The following COG5 variants were observed in gnomAD, a reference collection of about 807,000 sequenced individuals.
COG5 encodes component of oligomeric golgi complex 5, also known as conserved oligomeric Golgi complex subunit 5.
A neutral mutation model predicts 110.4 loss-of-function variants in COG5; 86 were observed. The ratio of observed to expected loss-of-function variants is 0.78; its 90% CI spans 0.65 to 0.93. COG5 has a LOEUF of 0.93. COG5 is among the 40% of genes least tolerant of loss of function. The pLI, the probability that COG5 is intolerant of heterozygous loss-of-function variation, is 0.00. For missense variants in COG5, 1,077 were observed against 987.0 expected, an observed-to-expected ratio of 1.09 and a Z score of -1.22; for synonymous variants, 360 against 334.6, an observed-to-expected ratio of 1.08 and a Z score of -0.83.
At chr7:107,460,041 C>A (rs1389619911) in intron 6 of COG5, among the ~76,000 whole-genome samples, 1 of 152,008 alleles carries the variant, frequency 6.6e-6, no homozygotes, top group Admixed American at 6.6e-5. Flanking sequence ...GTTCTCTGAC[C>A]ATAATGAAAT....
intron 11 of COG5, among the ~76,000 whole-genome samples, chr7:107,320,184 A>G (rs769293444): frequency 2.0e-5 from 3 of 152,138 alleles, no homozygotes; most frequent in East Asian, 1.9e-4. Flanking sequence ...GACTCTGTGA[A>G]GTTTTGTTAT....
At chr7:107,316,205 T>C (rs1808724410) in intron 11 of COG5, among the ~76,000 whole-genome samples, 1 of 152,180 alleles carries the variant, frequency 6.6e-6, no homozygotes. Flanking sequence ...TATTTTTTAT[T>C]ACATGGGAGC....
chr7:107,460,081 G>GA (rs1563047901), intron 6 of COG5, among the ~76,000 whole-genome samples: 2 of 151,968 alleles, frequency 1.3e-5, no homozygotes, highest in Non-Finnish European at 2.9e-5. Context: ...AAAAAATTTT[G>GA]AAAAATCACC....
intron 7 of COG5, among the ~76,000 whole-genome samples, chr7:107,386,606 C>T (rs1790221642): frequency 2.0e-5 from 3 of 152,162 alleles, no homozygotes; most frequent in Non-Finnish European, 4.4e-5. Flanking sequence ...CAACAGTTAT[C>T]AGCTCAACAG....
Position 107,248,480 on chromosome 7 carries a change from T to G in COG5, c.1769A>C (p.Glu590Ala). ...AGTGAGTAAGGGTTGCACAGCATTT[T>G]CCATAAGAGCATGAATAGCCTAAAA... is the stretch of plus-strand genomic sequence containing the variant. ...SALKAIHALM[E>A]NAVQPLLTSV... Residue 590 changes from glutamate to alanine, a missense_variant, in exon 17 of 22, where the codon GAA becomes GCA. Glu to Ala is a moderately radical substitution (Grantham distance 107, BLOSUM62 -1). Coordinates refer to ENST00000297135, the MANE Select transcript of COG5 (RefSeq NM_006348.5). 1 of 1,607,840 alleles carries G rather than the reference T, an allele frequency of 6.2e-7. No individual in the cohort carries two copies. The highest frequency in any genetic ancestry group is 8.5e-7 in the Non-Finnish European group (1 of 1,176,472).
At chr7:107,371,223 T>C (rs564010246) in intron 8 of COG5, among the ~76,000 whole-genome samples, 4 of 152,306 alleles carry the variant, frequency 2.6e-5, no homozygotes, top group South Asian at 4.1e-4. Flanking sequence ...GATTCTTTCA[T>C]CTCTTTTTAT....
At chr7:107,478,602 G>T (rs12534124) in intron 6 of COG5, among the ~76,000 whole-genome samples, 1 of 151,774 alleles carries the variant, frequency 6.6e-6, no homozygotes, top group Non-Finnish European at 1.5e-5. Flanking sequence ...ATAGCCTACT[G>T]TGCCTAATAT....
chr7:107,352,520 A>G (rs1417594135), intron 10 of COG5, among the ~76,000 whole-genome samples: 1 of 144,256 alleles, frequency 6.9e-6, no homozygotes, highest in Non-Finnish European at 1.5e-5. Context: ...AAAAACAAAA[A>G]AAAAACCAGA....
chr7:107,500,704 G>C (rs186198957), intron 6 of COG5, among the ~76,000 whole-genome samples: 36 of 152,206 alleles, frequency 2.4e-4, no homozygotes, highest in Admixed American at 1.6e-3. Flanking sequence ...CATGTCATCA[G>C]TATGTATCTT....
At chr7:107,463,605 G>A (rs1446332282) in intron 6 of COG5, among the ~76,000 whole-genome samples, 1 of 152,118 alleles carries the variant, frequency 6.6e-6, no homozygotes, top group Non-Finnish European at 1.5e-5. Flanking sequence ...AGGCCCAGAG[G>A]CTCCATCTAC....
chr7:107,504,796 A>C (rs917233198), intron 6 of COG5, among the ~76,000 whole-genome samples: 1 of 152,148 alleles, frequency 6.6e-6, no homozygotes, highest in African/African-American at 2.4e-5. Flanking sequence ...TAGGGGTGTT[A>C]ATAGTAGTCT....
intron 17 of COG5, among the ~76,000 whole-genome samples, chr7:107,241,954 G>C (rs369341227): frequency 1.3e-5 from 2 of 151,844 alleles, no homozygotes; most frequent in Non-Finnish European, 2.9e-5. Flanking sequence ...GCTAATTTTT[G>C]TATTTTTTGT....
intron 18 of COG5, among the ~76,000 whole-genome samples, chr7:107,232,976 T>C (rs369206457): frequency 1.2e-3 from 182 of 152,336 alleles, no homozygotes; most frequent in East Asian, 6.6e-3. Context: ...TGCCCTGACA[T>C]TGTTCAGGAG....
chr7:107,210,089 G>A, intron 21 of COG5: 1 of 1,043,678 alleles, frequency 9.6e-7, no homozygotes. Flanking sequence ...CCAAGTGGCT[G>A]CTGGGTTGTT....
chr7:107,329,717 C>A (rs867096845), intron 10 of COG5, among the ~76,000 whole-genome samples: 3 of 151,690 alleles, frequency 2.0e-5, no homozygotes, highest in Admixed American at 6.6e-5. Context: ...CAGCGAGACC[C>A]CCCCCGTTTC....
chr7:107,275,670 C>A (rs951662326), intron 14 of COG5, among the ~76,000 whole-genome samples: 3 of 151,838 alleles, frequency 2.0e-5, no homozygotes, highest in East Asian at 3.9e-4. Flanking sequence ...ATTCTCCTGG[C>A]GCGCCACCAC....
At chr7:107,539,522 T>C (rs1801825644) in intron 5 of COG5, among the ~76,000 whole-genome samples, 2 of 152,138 alleles carry the variant, frequency 1.3e-5, no homozygotes, top group African/African-American at 4.8e-5. Context: ...TTAGTGCAGA[T>C]TAGTTGAGAG....
intron 6 of COG5, among the ~76,000 whole-genome samples, chr7:107,444,573 T>C (rs4727679): frequency 0.21 from 31,421 of 152,126 alleles, 3,496 homozygotes; most frequent in East Asian, 0.33. Flanking sequence ...ATATGGTTTA[T>C]TTTGAAACTT....
chr7:107,560,152 C>T (rs1803662124), intron 1 of COG5, among the ~76,000 whole-genome samples: 1 of 152,166 alleles, frequency 6.6e-6, no homozygotes, highest in Non-Finnish European at 1.5e-5. Flanking sequence ...GCCAGTTGAC[C>T]TTTCACACAG....
Sources: allele counts gnomAD v4.1 joint callset (sites outside exome capture counted in the v4.1 genomes callset), GRCh38; gene constraint gnomAD v4.1.1; transcripts MANE v1.5; gene names NCBI Gene and HGNC (gene_info 2026-07-23, HGNC 2026-07-21).